PCDHGB7: variants seen among roughly 807,000 people sequenced by gnomAD.
PCDHGB7 encodes protocadherin gamma subfamily B, 7, also known as protocadherin gamma-B7.
In PCDHGB7, 37 loss-of-function variants were observed where a neutral mutation model predicts 61.4. That is an observed-to-expected ratio of 0.60 (90% CI 0.46 to 0.79). The LOEUF (loss-of-function observed/expected upper bound fraction) is 0.79. Ranked by LOEUF, PCDHGB7 falls within the 30% of genes least tolerant of loss-of-function variation. The probability of loss-of-function intolerance (pLI) is 0.00; values close to 1 mark genes in which losing one functional copy is unlikely to be tolerated. For missense variants in PCDHGB7, 1,166 were observed against 1,202.5 expected, an observed-to-expected ratio of 0.97 and a Z score of 0.45; for synonymous variants, 464 against 503.5, an observed-to-expected ratio of 0.92 and a Z score of 1.05.
At chr5:141,452,193 GT>G (rs1375451557) in intron 1 of PCDHGB7, among the ~76,000 whole-genome samples, 1 of 151,990 alleles carries the variant, frequency 6.6e-6, no homozygotes, top group Non-Finnish European at 1.5e-5. Context: ...ACCTCAAATT[GT>G]TTTAGATGTT....
chr5:141,501,141 A>G (rs940603527), intron 2 of PCDHGB7, among the ~76,000 whole-genome samples: 8 of 152,184 alleles, frequency 5.3e-5, no homozygotes, highest in Admixed American at 5.2e-4. Context: ...TGCTGGGATT[A>G]CAGGTGGGAG....
chr5:141,463,480 G>A (rs964539275), intron 1 of PCDHGB7, among the ~76,000 whole-genome samples: 3 of 114,320 alleles, frequency 2.6e-5, no homozygotes, highest in African/African-American at 1.1e-4. Context: ...ATGGAGTCTC[G>A]CTCTGTCACC....
In PCDHGB7 at chr5:141,418,151, G is replaced by T; in HGVS notation, c.292G>T (p.Glu98Ter). Residue 98 changes from glutamate (E) to a stop codon, truncating the protein, a stop_gained, in exon 1 of 4, where the codon GAG (glutamate) becomes TAG (stop). Transcript: ENST00000398594. LOFTEE classifies it high-confidence loss of function. ...AATAGACCGTGAGCAAATATGCAAA[G>T]AGAGAAGAAGATGTGAGTTGCAATT... is the stretch of plus-strand genomic sequence containing the variant. ...DRIDREQICK[E>*]RRRCELQLEA... The T allele has an allele frequency of 6.2e-7, 1 of 1,614,108 alleles. No individual in the cohort carries two copies. Among genetic ancestry groups the T allele is most frequent in the Non-Finnish European group, 8.5e-7 (1 of 1,179,912 alleles).
rs763239421 is a variant in PCDHGB7, at chr5:141,477,265, G to C, written c.2416-17542G>C. 1 of 1,614,198 alleles carries C rather than the reference G, an allele frequency of 6.2e-7. No homozygotes were observed. Among genetic ancestry groups the C allele is most frequent in the Admixed American group, 1.7e-5 (1 of 60,020 alleles). On this transcript the variant is annotated intron_variant, in intron 1 of 3. Coordinates refer to ENST00000398594, the MANE Select transcript of PCDHGB7 (RefSeq NM_018927.4). The surrounding 1 kb of genome is among the most constrained non-coding windows in gnomAD (Gnocchi z 4.9). ...GTGTGACTGACCTGGATGCTGGCGA[G>C]AACGGGCTGGTGACCTGCGAAGTTC...
chr5:141,436,878 G>T (rs914354261), intron 1 of PCDHGB7, among the ~76,000 whole-genome samples: 1 of 152,216 alleles, frequency 6.6e-6, no homozygotes, highest in African/African-American at 2.4e-5. Context: ...GGCCATAAAA[G>T]ATGGGGGAAA....
At chr5:141,504,240 G>A (rs1275204117) in intron 2 of PCDHGB7, among the ~76,000 whole-genome samples, 1 of 152,182 alleles carries the variant, frequency 6.6e-6, no homozygotes, top group Non-Finnish European at 1.5e-5. Context: ...AAGAAGCAGA[G>A]AGTTCTTCTT....
chr5:141,471,196 C>T (rs59385734), intron 1 of PCDHGB7: 16,293 of 151,632 alleles, frequency 0.11, 894 homozygotes, highest in South Asian at 0.15. Context: ...ATTACAGGCA[C>T]CCACCCCCAT....
In PCDHGB7 at chr5:141,420,083, A is replaced by C. The variant is rs2096465782; in HGVS notation, c.2224A>C (p.Asn742His). The C allele has an allele frequency of 2.5e-6, 4 of 1,614,020 alleles. No individual in the cohort carries two copies. Among genetic ancestry groups the C allele is most frequent in the Non-Finnish European group, 3.4e-6 (4 of 1,179,880 alleles). The change falls in exon 1 of 4, where the codon AAC becomes CAC. Residue 742 changes from asparagine (N) to histidine (H), a missense_variant. By Grantham distance (68) the Asn-to-His change is moderately conservative. Transcript: ENST00000398594. ...CAAGTCCGGACCTGTGGGTCCCCCC[A>C]ACTACAGTGAGGGAACGTTGCCCTA... ...CSKSGPVGPP[N>H]YSEGTLPYAY...
intron 2 of PCDHGB7, 119 bp from the exon 3 acceptor site, chr5:141,505,274 C>T: frequency 6.6e-7 from 1 of 1,524,344 alleles, no homozygotes; most frequent in East Asian, 2.3e-5. Flanking sequence ...CTGAGAGAAA[C>T]AGGTCTTGGG....
rs188953728 is a variant in PCDHGB7, at chr5:141,448,550, T to A, written c.2415+28276T>A. Among the ~76,000 whole-genome samples, 304 of 152,316 alleles carry A rather than the reference T, an allele frequency of 2.0e-3. 1 individual carries two copies. Among genetic ancestry groups the A allele is most frequent in the African/African-American group, 6.6e-3 (275 of 41,578 alleles). On this transcript the variant is annotated intron_variant, in intron 1 of 3. Transcript: ENST00000398594. ...CCTGTCAGCATTTCTTATGCAAATA[T>A]GTACATATATTTTTATTTCCCCATT...
In PCDHGB7 at chr5:141,419,668, G is replaced by A. The variant is rs752237614; in HGVS notation, c.1809G>A (p.Trp603Ter). The change falls in exon 1 of 4, where the codon TGG becomes TGA. Residue 603 changes from tryptophan to a stop codon, truncating the protein, a stop_gained. Transcript: ENST00000398594. LOFTEE classifies it high-confidence loss of function. ...AVDADSGHNAWLSYHVVQASE... is the reference protein window; with the variant it reads ...AVDADSGHNA ...ACGCGGACTCGGGGCACAATGCCTG[G>A]CTGTCCTACCACGTGGTGCAGGCCA... 6.2e-7 allele frequency: 1 copy of A among 1,612,892 alleles called. No homozygotes were observed. The highest frequency in any genetic ancestry group is 2.2e-5 in the East Asian group (1 of 44,882).
intron 1 of PCDHGB7, among the ~76,000 whole-genome samples, chr5:141,475,629 C>T (rs77593456): frequency 0.054 from 8,157 of 152,234 alleles, 446 homozygotes; most frequent in African/African-American, 0.15. Flanking sequence ...TGGTTCGATC[C>T]CCTTTCTTGT....
intron 1 of PCDHGB7, among the ~76,000 whole-genome samples, chr5:141,444,152 ATTTTTTTTTTTTTTTTTTTTTT>A (rs747671382): frequency 8.9e-5 from 3 of 33,882 alleles, no homozygotes; most frequent in East Asian, 1.0e-3. Flanking sequence ...TGTGTACTGG[ATTTTTTTTTTTTTTTTTTTTTT>A]TTTTTTTTTT....
Position 141,491,900 on chromosome 5 carries a change from G to C in PCDHGB7, c.2416-2907G>C. ...TAAGGGATGGGGCTCCGAGCACCGG[G>C]GGTGGTGGCGACTGTGGGCGAGGGG... On this transcript the variant is annotated intron_variant, in intron 1 of 3. Transcript: ENST00000398594. This position sits in a 1 kb window ranked among gnomAD's most constrained non-coding sequence, Gnocchi z 6.9. 1 of 1,429,936 alleles carries C rather than the reference G, an allele frequency of 7.0e-7. No homozygotes were observed. Among genetic ancestry groups the C allele is most frequent in the South Asian group, 1.5e-5 (1 of 67,072 alleles). 88.6% of individuals were successfully genotyped at this position (1,429,936 alleles called of 1,614,324 possible). A position where few individuals can be genotyped will look rare whatever the true frequency, so the allele number is the denominator to read the frequency against.
intron 1 of PCDHGB7, among the ~76,000 whole-genome samples, chr5:141,483,010 G>C (rs574078222): frequency 6.6e-6 from 1 of 152,006 alleles, no homozygotes; most frequent in Non-Finnish European, 1.5e-5. Flanking sequence ...GCTTGAACCC[G>C]GGAGGCAGAG....
chr5:141,454,618 C>T (rs1259161504), intron 1 of PCDHGB7, among the ~76,000 whole-genome samples: 1 of 151,470 alleles, frequency 6.6e-6, no homozygotes, highest in Non-Finnish European at 1.5e-5. Flanking sequence ...GTTGGTCAGG[C>T]TGGTCTCGAA....
chr5:141,489,563 T>C lies in PCDHGB7; in HGVS notation c.2416-5244T>C, dbSNP rs2099689031. ...ACCAGCTGCCTGCTGCCAGTGCAGG[T>C]GGTGACTGAACACCCCCTGGAGCTA... On this transcript the variant is annotated intron_variant, in intron 1 of 3. Coordinates refer to ENST00000398594, the MANE Select transcript of PCDHGB7 (RefSeq NM_018927.4). The surrounding 1 kb of genome is among the most constrained non-coding windows in gnomAD (Gnocchi z 4.5). 13 of 1,614,006 alleles carry C rather than the reference T, an allele frequency of 8.1e-6. No homozygotes were observed. The highest frequency in any genetic ancestry group is 1.1e-5 in the Non-Finnish European group (13 of 1,179,976).
chr5:141,428,227 A>T (rs2154552643), intron 1 of PCDHGB7: 1 of 1,100,784 alleles, frequency 9.1e-7, no homozygotes, highest in Admixed American at 1.9e-5. Context: ...CTTCGCAGAC[A>T]GCCTGCAGGA....
rs770464447 is a variant in PCDHGB7 at position 141,418,077 on chromosome 5, T to G, written c.218T>G (p.Leu73Arg). The G allele has an allele frequency of 2.5e-6, 4 of 1,613,914 alleles. No individual in the cohort carries two copies. Among genetic ancestry groups the G allele is most frequent in the African/African-American group, 1.3e-5 (1 of 74,944 alleles). The part of the protein sequence containing the change: ...ARELRVSAEK[L>R]HFSVDAQSGD... The stretch of plus-strand genomic sequence containing the variant: ...GAGCTGCGAGTGAGCGCGGAGAAGC[T>G]GCACTTCAGCGTAGACGCGCAGAGC... Residue 73 changes from leucine (L) to arginine (R), a missense_variant, in exon 1 of 4, where the codon CTG becomes CGG. Transcript: ENST00000398594.
Sources: allele counts gnomAD v4.1 joint callset (sites outside exome capture counted in the v4.1 genomes callset), GRCh38; gene constraint gnomAD v4.1.1; non-coding constraint Gnocchi (gnomAD v3.1); transcripts MANE v1.5; gene names NCBI Gene and HGNC (gene_info 2026-07-23, HGNC 2026-07-21).